SLC25A37: variants seen among roughly 807,000 people sequenced by gnomAD.
SLC25A37 encodes the protein mitoferrin-1.
A neutral mutation model predicts 31.0 loss-of-function variants in SLC25A37; 17 were observed. The observed-to-expected ratio is 0.55, with a 90% CI of 0.38 to 0.82. The LOEUF (loss-of-function observed/expected upper bound fraction) is 0.82. Among genes scored for constraint, SLC25A37 ranks in the 40% least tolerant of loss-of-function variants. SLC25A37 has a pLI of 0.00. For missense variants in SLC25A37, 404 were observed against 465.8 expected, an observed-to-expected ratio of 0.87 and a Z score of 1.22; for synonymous variants, 222 against 193.0, an observed-to-expected ratio of 1.15 and a Z score of -1.24.
At position 23,529,321 on chromosome 8, in the gene SLC25A37, T is replaced by G; in HGVS notation, c.210+109T>G. ...GGGGCAGCGTCCCGAAACCGAGCTC[T>G]CCCCAGGACCGCGGCTGGCCGGGGT... On this transcript the variant is annotated intron_variant, in intron 1 of 3. Coordinates refer to ENST00000519973, the MANE Select transcript of SLC25A37 (RefSeq NM_016612.4). The surrounding 1 kb of genome is among the most constrained non-coding windows in gnomAD (Gnocchi z 4.1). The G allele has an allele frequency of 3.8e-6, 4 of 1,051,442 alleles. No homozygotes were observed. The highest frequency in any genetic ancestry group is 1.8e-5 in the South Asian group (1 of 54,078). The allele number at this position is 1,051,442 out of a possible 1,614,324, so 65.1% of individuals were successfully genotyped here. A position where few individuals can be genotyped will look rare whatever the true frequency, so the allele number is the denominator to read the frequency against.
intron 1 of SLC25A37, among the ~76,000 whole-genome samples, chr8:23,553,163 G>A (rs1279821427): frequency 1.3e-5 from 2 of 152,228 alleles, no homozygotes; most frequent in African/African-American, 2.4e-5. Flanking sequence ...GCTCACGCCT[G>A]TAATCCCAGC....
At chr8:23,565,172 A>C (rs904796332) in intron 1 of SLC25A37, among the ~76,000 whole-genome samples, 6 of 152,196 alleles carry the variant, frequency 3.9e-5, no homozygotes, top group Non-Finnish European at 8.8e-5. Context: ...TATACAGGTT[A>C]ATCTACTTTA....
Position 23,568,138 on chromosome 8 carries a change from C to G in SLC25A37, c.440-184C>G. The G allele has an allele frequency of 2.9e-6, 2 of 698,128 alleles. 1 individual carries two copies. Among genetic ancestry groups the G allele is most frequent in the South Asian group, 3.0e-5 (2 of 67,654 alleles). The allele number at this position is 698,128 out of a possible 1,614,324, so 43.2% of individuals were successfully genotyped here. On this transcript the variant is annotated intron_variant, in intron 2 of 3. Transcript: ENST00000519973. ...GTTGAGTGTGCCTAAATTAACCATC[C>G]CCATTTTTATCATATTTCCACCATC...
chr8:23,539,291 C>T (rs17089340), intron 1 of SLC25A37, among the ~76,000 whole-genome samples: 1 of 151,052 alleles, frequency 6.6e-6, no homozygotes, highest in Non-Finnish European at 1.5e-5. Context: ...GAACTTCTTC[C>T]GGGTCCACCG....
chr8:23,554,020 C>T (rs1050923039), intron 1 of SLC25A37, among the ~76,000 whole-genome samples: 4 of 149,262 alleles, frequency 2.7e-5, no homozygotes, highest in Non-Finnish European at 5.9e-5. Flanking sequence ...TGAAGATCAC[C>T]TGGGATCCTT....
intron 1 of SLC25A37, among the ~76,000 whole-genome samples, chr8:23,534,743 T>G (rs745391642): frequency 6.6e-6 from 1 of 152,216 alleles, no homozygotes; most frequent in African/African-American, 2.4e-5. Flanking sequence ...GAAGAGATGG[T>G]ACCGATCTCC....
intron 1 of SLC25A37, among the ~76,000 whole-genome samples, chr8:23,530,067 C>T (rs1585437787): frequency 6.6e-6 from 1 of 152,194 alleles, no homozygotes; most frequent in East Asian, 1.9e-4. Flanking sequence ...TGCCCTCTGT[C>T]AGCCTGCCCA....
rs200796270 is a variant in SLC25A37 at position 23,566,099 on chromosome 8, C to G, written c.211-9C>G. 1.3e-6 allele frequency: 2 copies of G among 1,568,666 alleles called. No homozygotes were observed. The highest frequency in any genetic ancestry group is 1.7e-6 in the Non-Finnish European group (2 of 1,165,716). The stretch of plus-strand genomic sequence containing the variant: ...TTTTTGTTTGTTTTCTCTTCTTGCC[C>G]GCTCCCAGACACGAATGCAGAGTTT... On this transcript the variant is annotated splice_polypyrimidine_tract_variant and intron_variant, in intron 1 of 3. Coordinates refer to ENST00000519973, the MANE Select transcript of SLC25A37 (RefSeq NM_016612.4).
At chr8:23,537,766 T>G (rs2272688) in intron 1 of SLC25A37, among the ~76,000 whole-genome samples, 27,902 of 152,082 alleles carry the variant, frequency 0.18, 2,741 homozygotes, top group Admixed American at 0.27. Flanking sequence ...TTTAGCTGAT[T>G]GGAGTGGAAG....
chr8:23,561,004 A>T (rs1434511954), intron 1 of SLC25A37, among the ~76,000 whole-genome samples: 1 of 152,210 alleles, frequency 6.6e-6, no homozygotes, highest in African/African-American at 2.4e-5. Flanking sequence ...TCTGCATTTT[A>T]CATGTGAAAA....
rs1184934690 is a variant in SLC25A37 at position 23,529,821 on chromosome 8, C to G, written c.210+609C>G. Reference sequence around the variant, plus strand: ...CCGTGGGATCCCCTTTCTGAGGGTTCCTGCACTTCTTCCCCCGACTTTGGG... The same window carrying G: ...CCGTGGGATCCCCTTTCTGAGGGTTGCTGCACTTCTTCCCCCGACTTTGGG... On this transcript the variant is annotated intron_variant, in intron 1 of 3. Transcript: ENST00000519973. The surrounding 1 kb of genome is among the most constrained non-coding windows in gnomAD (Gnocchi z 4.1). Among the ~76,000 whole-genome samples, 1 of 152,124 alleles carries G rather than the reference C, an allele frequency of 6.6e-6. No homozygotes were observed. The highest frequency in any genetic ancestry group is 1.9e-4 in the East Asian group (1 of 5,150).
At chr8:23,539,876 C>T (rs1332315940) in intron 1 of SLC25A37, among the ~76,000 whole-genome samples, 1 of 152,372 alleles carries the variant, frequency 6.6e-6, no homozygotes, top group African/African-American at 2.4e-5. Context: ...CCTGAAACCT[C>T]TCTTTGCCTT....
At chr8:23,559,098 C>A (rs550909859) in intron 1 of SLC25A37, among the ~76,000 whole-genome samples, 1 of 152,334 alleles carries the variant, frequency 6.6e-6, no homozygotes, top group South Asian at 2.1e-4. Flanking sequence ...ACAAGGCTTG[C>A]ATTGCTAAAG....
At chr8:23,535,760 T>C (rs867990364) in intron 1 of SLC25A37, among the ~76,000 whole-genome samples, 11 of 152,194 alleles carry the variant, frequency 7.2e-5, no homozygotes, top group African/African-American at 1.9e-4. Context: ...AGGCACATCT[T>C]ACATGGTAAC....
chr8:23,536,470 G>A (rs1242454480), intron 1 of SLC25A37, among the ~76,000 whole-genome samples: 7 of 152,078 alleles, frequency 4.6e-5, no homozygotes, highest in African/African-American at 1.4e-4. Context: ...TCCGAGAGGG[G>A]GTTGGCCCTG....
At chr8:23,557,466 A>G (rs754728421) in intron 1 of SLC25A37, among the ~76,000 whole-genome samples, 2 of 152,170 alleles carry the variant, frequency 1.3e-5, no homozygotes, top group African/African-American at 2.4e-5. Flanking sequence ...CCTTTCCATA[A>G]AGCGTGGTGC....
intron 3 of SLC25A37, 119 bp downstream of exon 3, chr8:23,568,497 A>C: frequency 9.2e-7 from 1 of 1,083,804 alleles, no homozygotes; most frequent in Non-Finnish European, 1.4e-6. Flanking sequence ...CTCCAGTCAG[A>C]GCAGACAGGA....
At chr8:23,561,105 CTGTT>C (rs772750532) in intron 1 of SLC25A37, among the ~76,000 whole-genome samples, 21 of 152,168 alleles carry the variant, frequency 1.4e-4, no homozygotes, top group Admixed American at 8.5e-4. Flanking sequence ...TTAGAGCTGT[CTGTT>C]TGGGAACAAA....
At position 23,572,203 on chromosome 8, in the gene SLC25A37, T is replaced by TAAAAAAA. The variant is rs540950017; in HGVS notation, c.*387_*393dup. ...GAAAATTTGCAGTGACTGAAAACAG[T>TAAAAAAA]AAAAAAAAAAAAAAAAAAAAAAAAA... On this transcript the variant is annotated 3_prime_UTR_variant, in exon 4 of 4. Coordinates refer to ENST00000519973, the MANE Select transcript of SLC25A37 (RefSeq NM_016612.4). 9 of 85,784 alleles carry TAAAAAAA rather than the reference T, an allele frequency of 1.0e-4. No individual in the cohort carries two copies. Among genetic ancestry groups the TAAAAAAA allele is most frequent in the African/African-American group, 5.2e-4 (8 of 15,292 alleles). The allele number at this position is 85,784 out of a possible 1,614,324, so 5.3% of individuals were successfully genotyped here.
Sources: allele counts gnomAD v4.1 joint callset (sites outside exome capture counted in the v4.1 genomes callset), GRCh38; gene constraint gnomAD v4.1.1; non-coding constraint Gnocchi (gnomAD v3.1); transcripts MANE v1.5; gene names NCBI Gene and HGNC (gene_info 2026-07-23, HGNC 2026-07-21).